RTKN2: variants seen among roughly 807,000 people sequenced by gnomAD.
RTKN2 encodes the protein rhotekin 2, also known as rhotekin-2.
A neutral mutation model predicts 71.5 loss-of-function variants in RTKN2; 69 were observed. The observed-to-expected ratio is 0.96, with a 90% CI of 0.79 to 1.18. RTKN2 has a LOEUF of 1.18. Among genes scored for constraint, RTKN2 ranks in the 50% most tolerant of loss-of-function variants. The pLI is 0.00. For synonymous variants in RTKN2, 236 were observed against 236.5 expected (o/e 1.00, Z 0.02); for missense variants, 724 against 719.7 (o/e 1.01, Z -0.07).
Position 62,236,084 on chromosome 10 carries a change from A to G in RTKN2, c.668T>C (p.Leu223Pro). ...LQEEDDEMCL[L>P]LSSAVFGVKY... ...AACTTACAAAACAGCAGAGCTGAGG[A>G]GCAAGCACATTTCATCATCCTCTTC... The change falls in exon 6 of 12, where the codon CTC becomes CCC. Residue 223 changes from leucine to proline, a missense_variant. By Grantham distance (98) the Leu-to-Pro change is moderately conservative. Coordinates refer to ENST00000373789, the MANE Select transcript of RTKN2 (RefSeq NM_145307.4). 6.2e-7 allele frequency: 1 copy of G among 1,611,828 alleles called. No homozygotes were observed. The highest frequency in any genetic ancestry group is 8.5e-7 in the Non-Finnish European group (1 of 1,178,398).
downstream of RTKN2, among the ~76,000 whole-genome samples, chr10:62,190,475 G>C (rs1333210505): frequency 6.6e-6 from 1 of 152,022 alleles, no homozygotes; most frequent in Non-Finnish European, 1.5e-5. Flanking sequence ...AGCTGCTTTG[G>C]CCGAATTAGG....
intron 2 of RTKN2, among the ~76,000 whole-genome samples, chr10:62,250,580 C>T (rs898518388): frequency 6.6e-6 from 1 of 152,166 alleles, no homozygotes; most frequent in Admixed American, 6.5e-5. Context: ...AAACTGCAGT[C>T]TGAAAATATT....
At position 62,197,069 on chromosome 10, in the gene RTKN2, AT is replaced by A. The variant is rs1356830310; in HGVS notation, c.*838del. 2.0e-6 allele frequency: 2 copies of A among 978,768 alleles called. No individual in the cohort carries two copies. The highest frequency in any genetic ancestry group is 2.3e-4 in the East Asian group (2 of 8,800). 60.6% of individuals were successfully genotyped at this position (978,768 alleles called of 1,614,324 possible). ...ATTTACCATGGCCAACTTTTCTGAT[AT>A]TTTTGAATCTCTCATCTTCTTTTTA... On this transcript the variant is annotated 3_prime_UTR_variant, in exon 12 of 12. Transcript: ENST00000373789.
intron 3 of RTKN2, among the ~76,000 whole-genome samples, chr10:62,241,699 C>A (rs1842378374): frequency 6.6e-6 from 1 of 152,084 alleles, no homozygotes; most frequent in Non-Finnish European, 1.5e-5. Context: ...CCACCTAAGC[C>A]TCCCATGTAG....
At chr10:62,211,652 A>T (rs950230409) in intron 9 of RTKN2, among the ~76,000 whole-genome samples, 1 of 152,168 alleles carries the variant, frequency 6.6e-6, no homozygotes, top group Admixed American at 6.6e-5. Context: ...ACTAAAAACT[A>T]AAAGAGAAAC....
At position 62,194,202 on chromosome 10, in the gene RTKN2, T is replaced by G. The variant is rs1841278352; in HGVS notation, c.*3706A>C. 1.0e-6 allele frequency: 1 copy of G among 984,458 alleles called. No individual in the cohort carries two copies. Among genetic ancestry groups the G allele is most frequent in the African/African-American group, 1.7e-5 (1 of 57,340 alleles). The allele number at this position is 984,458 out of a possible 1,614,324, so 61.0% of individuals were successfully genotyped here. ...GAAAATCAACACACCCTAATATATTTTCAAATGATGACTTGTCTTTTAAAA... is the reference window on the plus strand; with the variant it reads ...GAAAATCAACACACCCTAATATATTGTCAAATGATGACTTGTCTTTTAAAA... On this transcript the variant is annotated 3_prime_UTR_variant, in exon 12 of 12. Transcript: ENST00000373789.
chr10:62,219,342 C>A (rs765042978), intron 7 of RTKN2, among the ~76,000 whole-genome samples: 14 of 152,030 alleles, frequency 9.2e-5, no homozygotes, highest in Non-Finnish European at 2.1e-4. Flanking sequence ...AGCCTGACAT[C>A]GAACATTAGA....
intron 6 of RTKN2, among the ~76,000 whole-genome samples, chr10:62,234,706 A>T (rs1805661294): frequency 6.6e-6 from 1 of 152,138 alleles, no homozygotes; most frequent in African/African-American, 2.4e-5. Context: ...CTTTGCAAGA[A>T]TTCCAGTTTG....
intron 7 of RTKN2, among the ~76,000 whole-genome samples, chr10:62,222,231 C>T (rs901527621): frequency 6.6e-6 from 1 of 152,086 alleles, no homozygotes; most frequent in South Asian, 2.1e-4. Flanking sequence ...ACCTCAGTAT[C>T]CTGAGTAGCT....
chr10:62,198,462 A>G lies in RTKN2; in HGVS notation c.1295-19T>C, dbSNP rs777282339. The G allele has an allele frequency of 2.8e-6, 4 of 1,409,944 alleles. No individual in the cohort carries two copies. In the Admixed American group the frequency reaches 9.4e-5, roughly 33 times the overall value. The allele number at this position is 1,409,944 out of a possible 1,614,324, so 87.3% of individuals were successfully genotyped here. A position where few individuals can be genotyped will look rare whatever the true frequency, so the allele number is the denominator to read the frequency against. ...TCAATGCCTATAATAATTTTAAGAA[A>G]AAAAAACATGAAAAAATTCAAAAGC... On this transcript the variant is annotated intron_variant, in intron 11 of 11. Coordinates refer to ENST00000373789, the MANE Select transcript of RTKN2 (RefSeq NM_145307.4).
chr10:62,247,176 G>A (rs1225547149), intron 2 of RTKN2, among the ~76,000 whole-genome samples: 3 of 151,884 alleles, frequency 2.0e-5, no homozygotes, highest in Admixed American at 6.6e-5. Flanking sequence ...AGTAATTTTT[G>A]GAAGAGGATG....
chr10:62,200,793 A>G (rs1025126453), intron 10 of RTKN2, among the ~76,000 whole-genome samples: 6 of 152,132 alleles, frequency 3.9e-5, no homozygotes, highest in African/African-American at 1.2e-4. Flanking sequence ...AAAACCTATT[A>G]TTATAAAGTC....
intron 6 of RTKN2, among the ~76,000 whole-genome samples, chr10:62,224,472 C>T (rs1360268252): frequency 2.0e-5 from 3 of 151,928 alleles, no homozygotes; most frequent in Non-Finnish European, 4.4e-5. Context: ...TCTGAAGGGT[C>T]CCCGTTCATT....
At chr10:62,238,891 TATTAAC>T (rs1842313318) in intron 5 of RTKN2, 1 of 152,064 alleles carries the variant, frequency 6.6e-6, no homozygotes, top group South Asian at 2.1e-4. Flanking sequence ...AGTTAGTAGC[TATTAAC>T]ATTTAGATCT....
At chr10:62,217,849 C>A (rs1409020973) in intron 8 of RTKN2, among the ~76,000 whole-genome samples, 2 of 152,060 alleles carry the variant, frequency 1.3e-5, no homozygotes, top group Non-Finnish European at 2.9e-5. Context: ...TAAACCGTGC[C>A]AAACGCTGTC....
At chr10:62,199,302 G>A (rs1416522982) in intron 11 of RTKN2, among the ~76,000 whole-genome samples, 4 of 152,126 alleles carry the variant, frequency 2.6e-5, no homozygotes, top group Admixed American at 1.3e-4. Flanking sequence ...ATTTTCCAAA[G>A]TATTAAACTT....
chr10:62,267,763 A>G (rs553914729), intron 1 of RTKN2, among the ~76,000 whole-genome samples: 10 of 152,334 alleles, frequency 6.6e-5, no homozygotes, highest in Non-Finnish European at 8.8e-5. Flanking sequence ...CCTATTTCTG[A>G]AGTAGGTAAA....
intron 3 of RTKN2, among the ~76,000 whole-genome samples, chr10:62,245,182 G>C (rs1842454382): frequency 6.6e-6 from 1 of 152,108 alleles, no homozygotes; most frequent in African/African-American, 2.4e-5. Context: ...GAGAAACTGA[G>C]ACTGCACAGC....
At chr10:62,245,178 C>CT (rs1349403560) in intron 3 of RTKN2, among the ~76,000 whole-genome samples, 9 of 152,196 alleles carry the variant, frequency 5.9e-5, no homozygotes, top group African/African-American at 2.2e-4. Context: ...TTTGGAGAAA[C>CT]TGAGACTGCA....
Sources: allele counts gnomAD v4.1 joint callset (sites outside exome capture counted in the v4.1 genomes callset), GRCh38; gene constraint gnomAD v4.1.1; transcripts MANE v1.5; gene names NCBI Gene and HGNC (gene_info 2026-07-23, HGNC 2026-07-21).